Variants in RUNX1 observed in about 807,000 individuals in gnomAD.
RUNX1 encodes runt-related transcription factor 1.
In RUNX1, 19 loss-of-function variants were observed where a neutral mutation model predicts 42.8. The ratio of observed to expected loss-of-function variants is 0.44; its 90% CI spans 0.31 to 0.65. The LOEUF is 0.65. Ranked by LOEUF, RUNX1 falls within the 30% of genes least tolerant of loss-of-function variation. RUNX1 has a pLI of 0.07. For synonymous variants in RUNX1, 271 were observed against 289.4 expected (o/e 0.94, Z 0.64); for missense variants, 528 against 672.0 (o/e 0.79, Z 2.37).
chr21:34,887,249 G>GC, intron 3 of RUNX1, 153 bp from the exon 4 acceptor site: 2 of 651,050 alleles, frequency 3.1e-6, no homozygotes, highest in Non-Finnish European at 4.5e-6. Flanking sequence ...GGGTGGGGGG[G>GC]GGCGGGGGTG....
chr21:34,900,091 T>C (rs983028446), intron 2 of RUNX1, among the ~76,000 whole-genome samples: 3 of 152,236 alleles, frequency 2.0e-5, no homozygotes, highest in South Asian at 2.1e-4. Context: ...AGTAGCCACA[T>C]TAAAAAAGTA....
chr21:34,913,793 G>A (rs2058291160), intron 2 of RUNX1, among the ~76,000 whole-genome samples: 1 of 152,082 alleles, frequency 6.6e-6, no homozygotes, highest in Non-Finnish European at 1.5e-5. Flanking sequence ...GTTGTGTTTT[G>A]GCTCTTGATT....
rs184887327 is a variant in RUNX1 at position 34,862,130 on chromosome 21, G to C, written c.509-2552C>G. On this transcript the variant is annotated intron_variant, in intron 5 of 8. Transcript: ENST00000675419. Reference sequence around the variant, plus strand: ...TGTGGGTGTATGAGAGAGAGAGAGAGAGAGACTGAGGTGGTTCTTTCAGCA... The same window carrying C: ...TGTGGGTGTATGAGAGAGAGAGAGACAGAGACTGAGGTGGTTCTTTCAGCA... Among the ~76,000 whole-genome samples the C allele has an allele frequency of 2.9e-3, 439 of 152,168 alleles. 2 individuals are homozygous for C. Among genetic ancestry groups the C allele is most frequent in the African/African-American group, 9.8e-3 (407 of 41,488 alleles).
chr21:34,808,321 G>C (rs562727412), intron 7 of RUNX1, among the ~76,000 whole-genome samples: 472 of 152,314 alleles, frequency 3.1e-3, no homozygotes, highest in African/African-American at 0.011. Context: ...CTCAGGTTTT[G>C]AGGGATCCCA....
At chr21:35,025,362 A>G (rs1396371998) in intron 2 of RUNX1, among the ~76,000 whole-genome samples, 1 of 152,126 alleles carries the variant, frequency 6.6e-6, no homozygotes, top group Non-Finnish European at 1.5e-5. Flanking sequence ...AGTGCATTCA[A>G]AGCTCTCATG....
intron 2 of RUNX1, among the ~76,000 whole-genome samples, chr21:34,921,786 C>T (rs1295805379): frequency 6.6e-6 from 1 of 152,130 alleles, no homozygotes. Context: ...TGTGCACCAC[C>T]ATACCTGGCG....
At chr21:34,814,327 G>T (rs1002365188) in intron 7 of RUNX1, among the ~76,000 whole-genome samples, 1 of 152,164 alleles carries the variant, frequency 6.6e-6, no homozygotes, top group Non-Finnish European at 1.5e-5. Flanking sequence ...TGGTCGTGGG[G>T]AGGAGGAAGG....
At chr21:34,978,705 T>G (rs1395786171) in intron 2 of RUNX1, among the ~76,000 whole-genome samples, 2 of 152,170 alleles carry the variant, frequency 1.3e-5, no homozygotes, top group Non-Finnish European at 2.9e-5. Context: ...GCAAGGAAAT[T>G]CCAATATTTA....
intron 2 of RUNX1, among the ~76,000 whole-genome samples, chr21:34,988,679 C>G (rs561293122): frequency 6.6e-6 from 1 of 152,288 alleles, no homozygotes; most frequent in East Asian, 1.9e-4. Flanking sequence ...TGGCTCTTCC[C>G]TACTCATCCC....
intron 2 of RUNX1, among the ~76,000 whole-genome samples, chr21:34,894,927 ACATATT>A (rs1228124356): frequency 9.2e-6 from 1 of 108,914 alleles, no homozygotes; most frequent in Non-Finnish European, 1.8e-5. Context: ...ACACACACAC[ACATATT>A]CATATCTACA....
rs2154584 is a variant in RUNX1 at position 34,960,806 on chromosome 21, G to A, written c.59-67843C>T. Among the ~76,000 whole-genome samples the A allele has an allele frequency of 5.1e-3, 774 of 152,286 alleles. 2 individuals are homozygous for A. Among genetic ancestry groups the A allele is most frequent in the African/African-American group, 0.018 (736 of 41,554 alleles). ...TTTAATGTGTGTGTCTGTAAACACA[G>A]GGAGAAGGGAAAGCTGCCTGAAGAT... is the stretch of plus-strand genomic sequence containing the variant. On this transcript the variant is annotated intron_variant, in intron 2 of 8. Coordinates refer to ENST00000675419, the MANE Select transcript of RUNX1 (RefSeq NM_001754.5).
chr21:34,832,637 G>C (rs1217268221), intron 7 of RUNX1, among the ~76,000 whole-genome samples: 1 of 152,152 alleles, frequency 6.6e-6, no homozygotes, highest in Non-Finnish European at 1.5e-5. Flanking sequence ...CAAGATGAAA[G>C]AATCTCCTTG....
chr21:34,959,545 G>A (rs1041193176), intron 2 of RUNX1, among the ~76,000 whole-genome samples: 12 of 152,306 alleles, frequency 7.9e-5, no homozygotes, highest in Admixed American at 4.6e-4. Context: ...GAGACACAGA[G>A]TTAAGGCCCT....
At chr21:34,925,948 T>C (rs1356904846) in intron 2 of RUNX1, among the ~76,000 whole-genome samples, 1 of 152,106 alleles carries the variant, frequency 6.6e-6, no homozygotes, top group Non-Finnish European at 1.5e-5. Flanking sequence ...GTGCATCTCG[T>C]TGGGCCATGG....
intron 2 of RUNX1, among the ~76,000 whole-genome samples, chr21:34,909,654 T>A (rs1384483105): frequency 2.0e-5 from 1 of 50,814 alleles, no homozygotes; most frequent in African/African-American, 1.1e-4. Flanking sequence ...AGTGACCTCT[T>A]CAGCTGAGTC....
At chr21:34,880,144 A>G (rs2057873011) in intron 5 of RUNX1, among the ~76,000 whole-genome samples, 2 of 152,370 alleles carry the variant, frequency 1.3e-5, no homozygotes, top group East Asian at 3.9e-4. Flanking sequence ...AAACTCTGTC[A>G]CTTTTCACAG....
intron 2 of RUNX1, among the ~76,000 whole-genome samples, chr21:34,992,002 A>G (rs1431696828): frequency 6.6e-6 from 1 of 152,224 alleles, no homozygotes; most frequent in Admixed American, 6.5e-5. Context: ...TAGAGCCTGC[A>G]CAGGGAGCAA....
At chr21:34,863,143 A>G (rs1399684057) in intron 5 of RUNX1, among the ~76,000 whole-genome samples, 2 of 152,234 alleles carry the variant, frequency 1.3e-5, no homozygotes, top group African/African-American at 4.8e-5. Flanking sequence ...AAGGTTAAGT[A>G]ATTTTCCCAA....
At chr21:34,982,274 A>C (rs1227883288) in intron 2 of RUNX1, among the ~76,000 whole-genome samples, 1 of 152,196 alleles carries the variant, frequency 6.6e-6, no homozygotes, top group Admixed American at 6.5e-5. Flanking sequence ...TTCTAAGTCC[A>C]AGCTACCCAG....
Sources: gnomAD v4.1 joint callset for allele counts (sites outside exome capture counted in the v4.1 genomes callset) on GRCh38, gnomAD v4.1.1 for gene constraint, MANE v1.5 for transcripts, NCBI Gene and HGNC (gene_info 2026-07-23, HGNC 2026-07-21) for gene names.